The following AFG2A variants were observed in gnomAD, a reference collection of about 807,000 sequenced individuals.
The protein encoded by AFG2A is ATPase family gene 2 protein homolog A.
At chr4:123,044,910 A>G in the AFG2A span, among the ~76,000 whole-genome samples, 1 of 151,844 alleles carries the variant, frequency 6.6e-6, no homozygotes, top group South Asian at 2.1e-4. Context: ...TTTTAGCTGT[A>G]GAAGCTTCAT....
the AFG2A span, among the ~76,000 whole-genome samples, chr4:123,303,445 CTT>C: frequency 0.022 from 3,311 of 152,206 alleles, 62 homozygotes; most frequent in Non-Finnish European, 0.035. Flanking sequence ...TGAATATATA[CTT>C]TAGCTATATA....
the AFG2A span, among the ~76,000 whole-genome samples, chr4:123,085,675 G>A: frequency 6.6e-6 from 1 of 152,130 alleles, no homozygotes; most frequent in Admixed American, 6.5e-5. Flanking sequence ...TTTAATTGGT[G>A]CATTTAGGCC....
chr4:122,938,154 C>T, the AFG2A span: 5 of 1,608,344 alleles, frequency 3.1e-6, no homozygotes, highest in Admixed American at 8.4e-5. Context: ...TATTGATGAG[C>T]TGGATGCACT....
At chr4:123,149,305 G>A in the AFG2A span, among the ~76,000 whole-genome samples, 9 of 152,086 alleles carry the variant, frequency 5.9e-5, no homozygotes, top group Non-Finnish European at 1.0e-4. Flanking sequence ...TTTATAATAG[G>A]CCAATGGACT....
At chr4:123,123,360 A>C in the AFG2A span, among the ~76,000 whole-genome samples, 69,498 of 152,094 alleles carry the variant, frequency 0.46, 19,436 homozygotes, top group Non-Finnish European at 0.61. Flanking sequence ...TTGGTTTATT[A>C]AGTTAGACAT....
chr4:122,943,484 C>T, the AFG2A span, among the ~76,000 whole-genome samples: 570 of 152,214 alleles, frequency 3.7e-3, 2 homozygotes, highest in African/African-American at 0.013. Flanking sequence ...TTTCCATTTG[C>T]TTGGTAGATC....
the AFG2A span, among the ~76,000 whole-genome samples, chr4:122,963,309 T>C: frequency 1.3e-5 from 2 of 152,114 alleles, no homozygotes; most frequent in African/African-American, 4.8e-5. Context: ...AAAGGTTGGG[T>C]TGTTAAAAAA....
At chr4:122,993,133 G>A in the AFG2A span, among the ~76,000 whole-genome samples, 28 of 151,566 alleles carry the variant, frequency 1.8e-4, no homozygotes, top group African/African-American at 6.5e-4. Flanking sequence ...GTACAGGCAC[G>A]TGCCACCATG....
At chr4:123,077,628 A>T in the AFG2A span, among the ~76,000 whole-genome samples, 1 of 152,180 alleles carries the variant, frequency 6.6e-6, no homozygotes, top group African/African-American at 2.4e-5. Context: ...ATATCTGCAC[A>T]TCTGGTAGGT....
At chr4:123,028,284 G>T in the AFG2A span, 1 of 1,614,160 alleles carries the variant, frequency 6.2e-7, no homozygotes. Flanking sequence ...TCATTCGAAT[G>T]GGTATTCAGC....
At chr4:122,948,360 T>C in the AFG2A span, among the ~76,000 whole-genome samples, 1 of 149,588 alleles carries the variant, frequency 6.7e-6, no homozygotes, top group Non-Finnish European at 1.5e-5. Context: ...AAGGGATGAC[T>C]ATATCCTACT....
chr4:123,226,554 T>C, the AFG2A span, among the ~76,000 whole-genome samples: 4 of 152,238 alleles, frequency 2.6e-5, no homozygotes, highest in African/African-American at 7.2e-5. Context: ...ATCCCAGGAA[T>C]GAAGCCCACT....
the AFG2A span, among the ~76,000 whole-genome samples, chr4:123,110,995 TATACTC>T: frequency 6.6e-6 from 1 of 152,210 alleles, no homozygotes; most frequent in Non-Finnish European, 1.5e-5. Context: ...TTAGAAAACT[TATACTC>T]TAGACATTTA....
At chr4:123,264,056 C>T in the AFG2A span, among the ~76,000 whole-genome samples, 5 of 152,230 alleles carry the variant, frequency 3.3e-5, no homozygotes, top group South Asian at 2.1e-4. Context: ...TAATGGCATT[C>T]GCAGCAACCT....
chr4:122,963,881 C>G, the AFG2A span, among the ~76,000 whole-genome samples: 1 of 152,082 alleles, frequency 6.6e-6, no homozygotes, highest in Admixed American at 6.5e-5. Flanking sequence ...GTCCTCCCTC[C>G]TTGTCATCCC....
At chr4:122,943,330 G>C in the AFG2A span, among the ~76,000 whole-genome samples, 1 of 152,276 alleles carries the variant, frequency 6.6e-6, no homozygotes, top group South Asian at 2.1e-4. Flanking sequence ...TGTTTTGGGT[G>C]CATATATATT....
chr4:123,224,740 T>C, the AFG2A span, among the ~76,000 whole-genome samples: 27 of 152,332 alleles, frequency 1.8e-4, no homozygotes, highest in Admixed American at 5.9e-4. Context: ...ATGGGATGGC[T>C]GGGTCAAATG....
At chr4:123,211,999 G>A in the AFG2A span, among the ~76,000 whole-genome samples, 1 of 152,092 alleles carries the variant, frequency 6.6e-6, no homozygotes, top group African/African-American at 2.4e-5. Context: ...TTGAAGGTGG[G>A]AACAAGATTT....
At chr4:123,275,726 A>G in the AFG2A span, among the ~76,000 whole-genome samples, 16 of 151,976 alleles carry the variant, frequency 1.1e-4, no homozygotes, top group Non-Finnish European at 2.2e-4. Flanking sequence ...TTACCTTCTT[A>G]TAAGTGAGAA....
Sources: allele counts gnomAD v4.1 joint callset (sites outside exome capture counted in the v4.1 genomes callset), GRCh38; gene constraint gnomAD v4.1.1; transcripts MANE v1.5; gene names NCBI Gene and HGNC (gene_info 2026-07-23, HGNC 2026-07-21).